Variants in FAM24B observed in about 807,000 individuals in gnomAD.
The protein encoded by FAM24B is protein FAM24B.
A neutral mutation model predicts 2.3 loss-of-function variants in FAM24B; 3 were observed. The ratio of observed to expected loss-of-function variants is 1.29; its 90% CI spans 0.59 to 3.32. The LOEUF (loss-of-function observed/expected upper bound fraction) is 3.32. FAM24B is among the 30% of genes most tolerant of loss of function. The pLI is 0.03. For synonymous variants in FAM24B, 36 were observed against 46.3 expected (o/e 0.78, Z 0.90); for missense variants, 98 against 117.2 (o/e 0.84, Z 0.76).
At chr10:122,859,888 G>C (rs564235891) in intron 1 of FAM24B, among the ~76,000 whole-genome samples, 1 of 152,122 alleles carries the variant, frequency 6.6e-6, no homozygotes, top group African/African-American at 2.4e-5. Flanking sequence ...CACTGGATGA[G>C]GAGTTGTTCA....
At chr10:122,878,557 T>C (rs943369146) in intron 1 of FAM24B, among the ~76,000 whole-genome samples, 20 of 150,166 alleles carry the variant, frequency 1.3e-4, no homozygotes, top group African/African-American at 4.9e-4. Flanking sequence ...GTAATGGTGA[T>C]GGTGATTCAG....
chr10:122,856,144 T>A (rs573862836), intron 1 of FAM24B, among the ~76,000 whole-genome samples: 84 of 151,552 alleles, frequency 5.5e-4, no homozygotes, highest in African/African-American at 1.9e-3. Context: ...GCAGAGAGTG[T>A]CCAGGTATCC....
chr10:122,849,481 C>A (rs777129400), intron 3 of FAM24B, 42 bp from the exon 4 acceptor site: 19 of 1,536,204 alleles, frequency 1.2e-5, no homozygotes, highest in Non-Finnish European at 1.6e-5. Context: ...TAGAATTTTT[C>A]TTCTCAGCCC....
chr10:122,856,710 C>A (rs1321947337), intron 1 of FAM24B, among the ~76,000 whole-genome samples: 1 of 152,194 alleles, frequency 6.6e-6, no homozygotes, highest in Non-Finnish European at 1.5e-5. Context: ...TGCAGAGCAT[C>A]CTCACTGGCC....
intron 1 of FAM24B, among the ~76,000 whole-genome samples, chr10:122,866,591 A>G (rs572557487): frequency 1.3e-5 from 2 of 152,216 alleles, no homozygotes; most frequent in South Asian, 4.1e-4. Flanking sequence ...TAATTCTTAC[A>G]ATATTTCAAA....
intron 1 of FAM24B, among the ~76,000 whole-genome samples, chr10:122,877,041 A>G (rs1448808275): frequency 6.6e-6 from 1 of 152,240 alleles, no homozygotes; most frequent in African/African-American, 2.4e-5. Context: ...AGTCAAGCCA[A>G]AAAAATACAT....
At chr10:122,850,324 G>T (rs1292895224) in intron 3 of FAM24B, 100 bp downstream of exon 3, 2 of 932,448 alleles carry the variant, frequency 2.1e-6, no homozygotes, top group Non-Finnish European at 3.5e-6. Context: ...GAATGACCTT[G>T]CTCCAACAGG....
chr10:122,859,566 A>G (rs1847695740), intron 1 of FAM24B, among the ~76,000 whole-genome samples: 1 of 152,194 alleles, frequency 6.6e-6, no homozygotes, highest in Non-Finnish European at 1.5e-5. Context: ...AAAGGTGGAA[A>G]GGTGCAAGGT....
intron 1 of FAM24B, among the ~76,000 whole-genome samples, chr10:122,858,679 C>T (rs1847679473): frequency 6.6e-6 from 1 of 152,096 alleles, no homozygotes; most frequent in African/African-American, 2.4e-5. Context: ...CAGGAAAGTT[C>T]TAGGAACTGG....
At chr10:122,873,830 A>T (rs1301978761) in intron 1 of FAM24B, among the ~76,000 whole-genome samples, 2 of 152,148 alleles carry the variant, frequency 1.3e-5, no homozygotes, top group Admixed American at 6.5e-5. Context: ...TTTCACTTTC[A>T]TTTAGTTTGA....
At position 122,849,095 on chromosome 10, in the gene FAM24B, T is replaced by G. The variant is rs942106171; in HGVS notation, c.*152A>C. Reference sequence around the variant, plus strand: ...AAAAAATATTGGCAGCAAAGAGGATTATTTTTAATAGTGTACATTTATTCA... The same window carrying G: ...AAAAAATATTGGCAGCAAAGAGGATGATTTTTAATAGTGTACATTTATTCA... On this transcript the variant is annotated 3_prime_UTR_variant, in exon 4 of 4. Transcript: ENST00000368898. 7 of 482,830 alleles carry G rather than the reference T, an allele frequency of 1.4e-5. No individual in the cohort carries two copies. Among genetic ancestry groups the G allele is most frequent in the Non-Finnish European group, 2.4e-5 (7 of 293,770 alleles). The allele number at this position is 482,830 out of a possible 1,614,324, so 29.9% of individuals were successfully genotyped here.
At chr10:122,849,951 C>T (rs1266853800) in intron 3 of FAM24B, among the ~76,000 whole-genome samples, 4 of 152,106 alleles carry the variant, frequency 2.6e-5, no homozygotes, top group African/African-American at 9.7e-5. Flanking sequence ...CCCAAGGCCT[C>T]CAGAAACAAA....
Position 122,855,642 on chromosome 10 carries a change from T to C in FAM24B, c.-36+3A>G, listed in dbSNP as rs1465176970. On this transcript the variant is annotated splice_donor_region_variant and intron_variant, in intron 2 of 3. Coordinates refer to ENST00000368898, the MANE Select transcript of FAM24B (RefSeq NM_152644.3). The stretch of plus-strand genomic sequence containing the variant: ...AGAGAAGTAACAGTTCATCTTATTT[T>C]ACCTGCATAAATAATGGCTCCTCTG... 6.6e-6 allele frequency: 1 copy of C among 152,214 alleles called. No individual in the cohort carries two copies. Among genetic ancestry groups the C allele is most frequent in the Non-Finnish European group, 1.5e-5 (1 of 68,044 alleles). 9.4% of individuals were successfully genotyped at this position (152,214 alleles called of 1,614,324 possible).
rs184224947 is a variant in FAM24B, at chr10:122,867,551, G to A, written c.-177-11765C>T. Among the ~76,000 whole-genome samples, 12 of 152,274 alleles carry A rather than the reference G, an allele frequency of 7.9e-5. No homozygotes were observed. In the East Asian group the frequency reaches 1.4e-3, roughly 17 times the overall value. ...CTGGGAGGCACCCCCTAGTAGGAGC[G>A]GACTGACACCTCACATGGCCGGGTA... On this transcript the variant is annotated intron_variant, in intron 1 of 3. Coordinates refer to ENST00000368898, the MANE Select transcript of FAM24B (RefSeq NM_152644.3).
chr10:122,849,156 TCA>T lies in FAM24B; in HGVS notation c.*89_*90del. ...AAACAACACTGTAAATTATATAATC[TCA>T]CATAAAAACACTAGAACTTGATTTG... On this transcript the variant is annotated 3_prime_UTR_variant, in exon 4 of 4. Coordinates refer to ENST00000368898, the MANE Select transcript of FAM24B (RefSeq NM_152644.3). 1.1e-6 allele frequency: 1 copy of T among 941,798 alleles called. No homozygotes were observed. 58.3% of individuals were successfully genotyped at this position (941,798 alleles called of 1,614,324 possible). A position where few individuals can be genotyped will look rare whatever the true frequency, so the allele number is the denominator to read the frequency against.
chr10:122,856,419 C>G (rs1306161531), intron 1 of FAM24B, among the ~76,000 whole-genome samples: 1 of 152,214 alleles, frequency 6.6e-6, no homozygotes, highest in Non-Finnish European at 1.5e-5. Flanking sequence ...TTGACCTGAA[C>G]CATCTGTGGC....
At chr10:122,866,389 A>G (rs1339438269) in intron 1 of FAM24B, among the ~76,000 whole-genome samples, 1 of 151,586 alleles carries the variant, frequency 6.6e-6, no homozygotes, top group East Asian at 2.0e-4. Context: ...GCTGATTTTT[A>G]TTACGTCTTC....
intron 1 of FAM24B, among the ~76,000 whole-genome samples, chr10:122,858,283 C>T (rs561195753): frequency 6.6e-6 from 1 of 152,120 alleles, no homozygotes; most frequent in Admixed American, 6.5e-5. Context: ...AACCATCATT[C>T]TCAGCAAACT....
chr10:122,850,338 C>A, intron 3 of FAM24B, 86 bp downstream of exon 3: 1 of 1,091,594 alleles, frequency 9.2e-7, no homozygotes, highest in Non-Finnish European at 1.4e-6. Flanking sequence ...CAACAGGAAG[C>A]CCAGGTATCC....
Sources: gnomAD v4.1 joint callset for allele counts (sites outside exome capture counted in the v4.1 genomes callset) on GRCh38, gnomAD v4.1.1 for gene constraint, MANE v1.5 for transcripts, NCBI Gene and HGNC (gene_info 2026-07-23, HGNC 2026-07-21) for gene names.